Variants in GPAT3 observed in about 807,000 individuals in gnomAD.
The protein encoded by GPAT3 is 1-AGP acyltransferase 9.
A neutral mutation model predicts 58.8 loss-of-function variants in GPAT3; 53 were observed. The ratio of observed to expected loss-of-function variants is 0.90; its 90% CI spans 0.72 to 1.13. The LOEUF is 1.13. Among genes scored for constraint, GPAT3 ranks in the 50% most tolerant of loss-of-function variants. GPAT3 has a pLI of 0.00. For missense variants in GPAT3, 511 were observed against 527.6 expected (o/e 0.97, Z 0.31); for synonymous variants, 197 against 187.4 (o/e 1.05, Z -0.42).
intron 2 of GPAT3, among the ~76,000 whole-genome samples, chr4:83,556,914 C>T (rs547938105): frequency 3.2e-4 from 49 of 152,182 alleles, no homozygotes; most frequent in Non-Finnish European, 6.5e-4. Context: ...GTTCCGGAGG[C>T]TGGAAAGCCC....
intron 3 of GPAT3, among the ~76,000 whole-genome samples, chr4:83,583,766 G>A (rs1372504363): frequency 6.7e-6 from 1 of 149,626 alleles, no homozygotes; most frequent in African/African-American, 2.5e-5. Flanking sequence ...GGTGAGGTCA[G>A]GAGTTCTATG....
At position 83,536,339 on chromosome 4, in the gene GPAT3, T is replaced by C. The variant is rs1003712749; in HGVS notation, c.-284T>C. ...TCCGCTTACCCGCAGCTCCGACCACTGGCTCGCGCTACCCAGGTCTCCGCA... is the reference window on the plus strand; with the variant it reads ...TCCGCTTACCCGCAGCTCCGACCACCGGCTCGCGCTACCCAGGTCTCCGCA... On this transcript the variant is annotated 5_prime_UTR_variant, in exon 1 of 12. Coordinates refer to ENST00000264409, the MANE Select transcript of GPAT3 (RefSeq NM_032717.5). 1.6e-5 allele frequency: 18 copies of C among 1,156,230 alleles called. No individual in the cohort carries two copies. The African/African-American group carries it at 2.2e-4, about 14-fold the overall frequency. The allele number at this position is 1,156,230 out of a possible 1,614,324, so 71.6% of individuals were successfully genotyped here.
In GPAT3 at chr4:83,543,880, A is replaced by T. The variant is rs577748941; in HGVS notation, c.142-656A>T. The stretch of plus-strand genomic sequence containing the variant: ...AGTCTTGAACTCCTGACCTCAAGTG[A>T]TCCACCCTCCTCGGCCTCCCAAAGT... On this transcript the variant is annotated intron_variant, in intron 1 of 11. Transcript: ENST00000264409. Among the ~76,000 whole-genome samples, 59 of 152,166 alleles carry T rather than the reference A, an allele frequency of 3.9e-4. No individual in the cohort carries two copies. The South Asian group carries it at 0.012, about 30-fold the overall frequency.
chr4:83,598,622 A>AT (rs71668661), intron 10 of GPAT3, 22 bp from the exon 11 acceptor site: 211,905 of 1,358,770 alleles, frequency 0.16, 1,621 homozygotes, highest in Middle Eastern at 0.18. Context: ...TATTCTTGCA[A>AT]TTTTTTTTTT....
chr4:83,566,066 C>G (rs114442729), intron 2 of GPAT3, among the ~76,000 whole-genome samples: 4 of 152,134 alleles, frequency 2.6e-5, no homozygotes, highest in Admixed American at 6.6e-5. Flanking sequence ...GGAATGCCGC[C>G]GAGCTGTTAT....
At chr4:83,579,114 CCTT>C (rs1726003092) in intron 2 of GPAT3, among the ~76,000 whole-genome samples, 2 of 118,910 alleles carry the variant, frequency 1.7e-5, no homozygotes, top group African/African-American at 3.0e-5. Flanking sequence ...TTCCTTCCTT[CCTT>C]CCTTCCTTCC....
At chr4:83,556,712 G>T (rs952944497) in intron 2 of GPAT3, among the ~76,000 whole-genome samples, 1 of 150,694 alleles carries the variant, frequency 6.6e-6, no homozygotes. Flanking sequence ...TGATTATTTT[G>T]TAAGTTTTTG....
intron 2 of GPAT3, among the ~76,000 whole-genome samples, chr4:83,570,364 A>G (rs1487848319): frequency 6.6e-6 from 1 of 152,164 alleles, no homozygotes; most frequent in African/African-American, 2.4e-5. Context: ...CACTCAGTCA[A>G]TGTCAGCTGC....
At chr4:83,593,367 T>C (rs909530672) in intron 6 of GPAT3, among the ~76,000 whole-genome samples, 4 of 151,932 alleles carry the variant, frequency 2.6e-5, no homozygotes, top group Non-Finnish European at 4.4e-5. Context: ...GGTTTCACCA[T>C]GTTGGCCAGG....
At chr4:83,562,225 A>ATATTATATATAT (rs1185063026) in intron 2 of GPAT3, among the ~76,000 whole-genome samples, 1 of 61,400 alleles carries the variant, frequency 1.6e-5, no homozygotes, top group African/African-American at 7.8e-5. Context: ...ATATATATAT[A>ATATTATATATAT]ATATATATAT....
chr4:83,582,537 C>T (rs1392576665), intron 3 of GPAT3, among the ~76,000 whole-genome samples: 4 of 152,138 alleles, frequency 2.6e-5, no homozygotes, highest in East Asian at 1.9e-4. Flanking sequence ...GTAGTAGGCA[C>T]GTATACCAGC....
intron 2 of GPAT3, among the ~76,000 whole-genome samples, chr4:83,572,653 A>G (rs1255618313): frequency 6.6e-6 from 1 of 152,202 alleles, no homozygotes; most frequent in African/African-American, 2.4e-5. Flanking sequence ...TCCAGATATC[A>G]TATCCTTTTA....
At chr4:83,550,372 A>G (rs1388943289) in intron 2 of GPAT3, among the ~76,000 whole-genome samples, 1 of 152,038 alleles carries the variant, frequency 6.6e-6, no homozygotes, top group Non-Finnish European at 1.5e-5. Flanking sequence ...CCCTGATTGC[A>G]TTAGTCTATC....
intron 2 of GPAT3, among the ~76,000 whole-genome samples, chr4:83,580,901 C>A (rs776865542): frequency 5.5e-4 from 83 of 151,980 alleles, no homozygotes; most frequent in Middle Eastern, 3.4e-3. Context: ...TTGAGACCAT[C>A]CTGGCTAACA....
At chr4:83,587,463 G>A in intron 4 of GPAT3, 134 bp downstream of exon 4, 1 of 834,250 alleles carries the variant, frequency 1.2e-6, no homozygotes, top group South Asian at 1.9e-5. Flanking sequence ...GTCTCGTACT[G>A]TCACCTGGGC....
chr4:83,540,910 C>T (rs1420779007), intron 1 of GPAT3, among the ~76,000 whole-genome samples: 2 of 151,882 alleles, frequency 1.3e-5, no homozygotes, highest in Non-Finnish European at 2.9e-5. Flanking sequence ...GGCTGGTCTC[C>T]GACTCTTGTC....
intron 2 of GPAT3, among the ~76,000 whole-genome samples, chr4:83,565,385 G>A (rs1323523853): frequency 2.6e-5 from 4 of 152,156 alleles, no homozygotes; most frequent in African/African-American, 7.2e-5. Context: ...ACAGGTGTGA[G>A]CCACCACGCC....
At chr4:83,547,389 A>G (rs989744948) in intron 2 of GPAT3, among the ~76,000 whole-genome samples, 3 of 150,640 alleles carry the variant, frequency 2.0e-5, no homozygotes, top group Non-Finnish European at 2.9e-5. Flanking sequence ...AGTAGCTGGG[A>G]CTACAGGTGC....
intron 2 of GPAT3, among the ~76,000 whole-genome samples, chr4:83,579,050 CT>C (rs1725975145): frequency 2.4e-5 from 1 of 41,336 alleles, no homozygotes; most frequent in African/African-American, 1.3e-4. Context: ...TTCTTTCTTT[CT>C]TTCTTTCTTT....
Sources: gnomAD v4.1 joint callset for allele counts (sites outside exome capture counted in the v4.1 genomes callset) on GRCh38, gnomAD v4.1.1 for gene constraint, MANE v1.5 for transcripts, NCBI Gene and HGNC (gene_info 2026-07-23, HGNC 2026-07-21) for gene names.